Variants in SETBP1 observed in about 807,000 individuals in gnomAD.
The protein encoded by SETBP1 is SET-binding protein.
A neutral mutation model predicts 101.0 loss-of-function variants in SETBP1; 9 were observed. The ratio of observed to expected loss-of-function variants is 0.09; its 90% CI spans 0.05 to 0.16. SETBP1 has a LOEUF of 0.16. Ranked by LOEUF, SETBP1 falls within the 10% of genes least tolerant of loss-of-function variation. SETBP1 has a pLI of 1.00. For missense variants in SETBP1, 1,858 were observed against 2,033.8 expected (o/e 0.91, Z 1.66); for synonymous variants, 818 against 788.5 (o/e 1.04, Z -0.63).
intron 3 of SETBP1, among the ~76,000 whole-genome samples, chr18:44,915,419 C>T (rs1324016467): frequency 6.6e-6 from 1 of 152,172 alleles, no homozygotes; most frequent in East Asian, 1.9e-4. Context: ...ACACAGGGCA[C>T]TTAACAATGT....
intron 3 of SETBP1, among the ~76,000 whole-genome samples, chr18:44,928,433 G>C: frequency 6.6e-6 from 1 of 152,118 alleles, no homozygotes; most frequent in Non-Finnish European, 1.5e-5. Context: ...ATAATCCTTT[G>C]GGTATATACC....
chr18:45,014,168 G>A (rs2072896178), intron 4 of SETBP1, among the ~76,000 whole-genome samples: 1 of 152,224 alleles, frequency 6.6e-6, no homozygotes, highest in African/African-American at 2.4e-5. Flanking sequence ...GGCTGAGGGA[G>A]GTAGTAAAAC....
chr18:44,766,581 C>T (rs910951701), intron 2 of SETBP1, among the ~76,000 whole-genome samples: 3 of 152,088 alleles, frequency 2.0e-5, no homozygotes, highest in Non-Finnish European at 4.4e-5. Context: ...ATATAGACTT[C>T]CAGTTTTGCA....
chr18:44,934,337 C>T (rs569197170), intron 3 of SETBP1, among the ~76,000 whole-genome samples: 75 of 152,160 alleles, frequency 4.9e-4, no homozygotes, highest in South Asian at 1.9e-3. Context: ...TTAATAGAGA[C>T]GGGGTTTTGC....
Position 44,953,280 on chromosome 18 carries a change from A to G in SETBP1, c.3940A>G (p.Ile1314Val), listed in dbSNP as rs746329767. 8.7e-6 allele frequency: 14 copies of G among 1,613,998 alleles called. No individual in the cohort carries two copies. The highest frequency in any genetic ancestry group is 2.2e-5 in the East Asian group (1 of 44,888). The change falls in exon 4 of 6, where the codon ATC becomes GTC. Residue 1314 changes from isoleucine (I) to valine (V), a missense_variant. Around this residue, in one of 12 missense-constraint regions of SETBP1, gnomAD observed 417 missense variants for 389.1 expected, o/e 1.07. Transcript: ENST00000649279. Reference protein sequence around the residue: ...EGFGTYREKDIQAFKMNRKER... With the variant: ...EGFGTYREKDVQAFKMNRKER... Reference sequence around the variant, plus strand: ...CTTTGGAACGTACAGGGAAAAGGACATCCAAGCCTTCAAGATGAACCGCAA... The same window carrying G: ...CTTTGGAACGTACAGGGAAAAGGACGTCCAAGCCTTCAAGATGAACCGCAA...
intron 2 of SETBP1, among the ~76,000 whole-genome samples, chr18:44,750,609 T>G (rs1383053293): frequency 6.6e-6 from 1 of 152,186 alleles, no homozygotes; most frequent in Non-Finnish European, 1.5e-5. Flanking sequence ...AGTATGGCAG[T>G]CATCCGATGG....
intron 2 of SETBP1, among the ~76,000 whole-genome samples, chr18:44,860,755 A>G (rs986769063): frequency 6.6e-6 from 1 of 151,932 alleles, no homozygotes; most frequent in Non-Finnish European, 1.5e-5. Flanking sequence ...CTCAAAAAAA[A>G]AAAAAAGTAT....
At chr18:44,939,879 G>GT (rs754036870) in intron 3 of SETBP1, among the ~76,000 whole-genome samples, 1 of 152,178 alleles carries the variant, frequency 6.6e-6, no homozygotes, top group Non-Finnish European at 1.5e-5. Context: ...TTTGACAAAC[G>GT]TATTTTGCAG....
chr18:44,750,736 G>C (rs2144532430), intron 2 of SETBP1, among the ~76,000 whole-genome samples: 1 of 151,882 alleles, frequency 6.6e-6, no homozygotes, highest in South Asian at 2.1e-4. Flanking sequence ...GCTTTGTAGA[G>C]AATATAAGGG....
Position 45,001,285 on chromosome 18 carries a change from T to A in SETBP1, c.4001-37200T>A, listed in dbSNP as rs114674030. ...CCCCATCTGTAAAATGAGGGCAATA[T>A]TAACTCCTACTTTATTGAGTATTGT... is the stretch of plus-strand genomic sequence containing the variant. On this transcript the variant is annotated intron_variant, in intron 4 of 5. Transcript: ENST00000649279. Among the ~76,000 whole-genome samples, 413 of 152,330 alleles carry A rather than the reference T, an allele frequency of 2.7e-3. 2 individuals carry two copies. Among genetic ancestry groups the A allele is most frequent in the African/African-American group, 9.6e-3 (398 of 41,576 alleles).
intron 3 of SETBP1, among the ~76,000 whole-genome samples, chr18:44,899,334 A>C (rs544848925): frequency 6.6e-6 from 1 of 152,208 alleles, no homozygotes; most frequent in Admixed American, 6.5e-5. Context: ...TTTTTGGGGA[A>C]TAGAGAGAGG....
At chr18:44,752,960 A>C (rs759705648) in intron 2 of SETBP1, among the ~76,000 whole-genome samples, 4 of 152,236 alleles carry the variant, frequency 2.6e-5, no homozygotes, top group Non-Finnish European at 4.4e-5. Flanking sequence ...AAAATTAGAA[A>C]TTACTACTGA....
At chr18:44,792,595 G>A (rs913359635) in intron 2 of SETBP1, among the ~76,000 whole-genome samples, 2 of 152,148 alleles carry the variant, frequency 1.3e-5, no homozygotes, top group South Asian at 2.1e-4. Context: ...GGATGCCCAC[G>A]TTCCTCCCCC....
At chr18:45,034,429 G>A (rs1444228222) in intron 4 of SETBP1, among the ~76,000 whole-genome samples, 2 of 152,194 alleles carry the variant, frequency 1.3e-5, no homozygotes, top group South Asian at 4.1e-4. Context: ...ATGCAAACAC[G>A]GTGTGCAGGT....
intron 4 of SETBP1, among the ~76,000 whole-genome samples, chr18:45,021,234 GA>G (rs2073059419): frequency 6.6e-6 from 1 of 152,202 alleles, no homozygotes; most frequent in African/African-American, 2.4e-5. Flanking sequence ...CATGAAATTT[GA>G]AATTAGTAAA....
intron 4 of SETBP1, among the ~76,000 whole-genome samples, chr18:45,014,777 A>G (rs112509504): frequency 2.6e-5 from 4 of 152,310 alleles, no homozygotes; most frequent in African/African-American, 9.6e-5. Context: ...TTCCTCCTCC[A>G]TAAAATGAGA....
chr18:44,782,939 G>T (rs142444342), intron 2 of SETBP1, among the ~76,000 whole-genome samples: 1 of 152,112 alleles, frequency 6.6e-6, no homozygotes, highest in South Asian at 2.1e-4. Context: ...TTGGGGGTAC[G>T]TAGTAGGTGT....
intron 3 of SETBP1, among the ~76,000 whole-genome samples, chr18:44,909,407 G>A (rs1456149235): frequency 1.3e-5 from 2 of 152,180 alleles, no homozygotes; most frequent in East Asian, 3.9e-4. Context: ...CTGGCTGACT[G>A]CAAATATAAC....
chr18:44,840,025 T>G (rs2072584866), intron 2 of SETBP1, among the ~76,000 whole-genome samples: 1 of 152,184 alleles, frequency 6.6e-6, no homozygotes, highest in African/African-American at 2.4e-5. Flanking sequence ...TTTATTTGAC[T>G]TATGCATTTA....
Sources: allele counts gnomAD v4.1 joint callset (sites outside exome capture counted in the v4.1 genomes callset), GRCh38; gene constraint gnomAD v4.1.1; regional missense constraint gnomAD v4.1.1; transcripts MANE v1.5; gene names NCBI Gene and HGNC (gene_info 2026-07-23, HGNC 2026-07-21).